SCHIP1: variants seen among roughly 807,000 people sequenced by gnomAD.
SCHIP1 encodes schwannomin interacting protein 1, also known as schwannomin-interacting protein 1.
SCHIP1 carries 8 observed loss-of-function variants against 29.7 expected under a neutral mutation model. That is an observed-to-expected ratio of 0.27 (90% CI 0.16 to 0.49). The LOEUF is 0.49. Ranked by LOEUF, SCHIP1 falls within the 20% of genes least tolerant of loss-of-function variation. SCHIP1 has a pLI of 0.99. For synonymous variants in SCHIP1, 76 were observed against 94.9 expected, an observed-to-expected ratio of 0.80 and a Z score of 1.16; for missense variants, 193 against 294.6, an observed-to-expected ratio of 0.66 and a Z score of 2.52.
chr3:159,581,973 C>A, the SCHIP1 span, among the ~76,000 whole-genome samples: 2 of 152,158 alleles, frequency 1.3e-5, no homozygotes, highest in Non-Finnish European at 1.5e-5. Context: ...GAAATCTTCA[C>A]AATTGGAGAA....
chr3:159,786,702 C>T, the SCHIP1 span, among the ~76,000 whole-genome samples: 251 of 125,112 alleles, frequency 2.0e-3, no homozygotes, highest in African/African-American at 6.4e-3. Context: ...TGTGTCTGCG[C>T]GTGTGCACTG....
At chr3:159,887,629 G>A (rs1717094130) in intron 3 of SCHIP1, 79 bp from the exon 5 acceptor site, 10 of 1,533,318 alleles carry the variant, frequency 6.5e-6, no homozygotes, top group Non-Finnish European at 9.0e-6. Flanking sequence ...AGAAGGCTCA[G>A]AGGATGTTGT....
chr3:159,504,044 CTGT>C, the SCHIP1 span, among the ~76,000 whole-genome samples: 1 of 152,272 alleles, frequency 6.6e-6, no homozygotes, highest in African/African-American at 2.4e-5. Flanking sequence ...TGGCCAGAGG[CTGT>C]TAAGTATAAA....
chr3:159,363,641 A>G, the SCHIP1 span, among the ~76,000 whole-genome samples: 480 of 152,322 alleles, frequency 3.2e-3, 1 homozygote, highest in Non-Finnish European at 4.8e-3. Flanking sequence ...CCACCAACCC[A>G]ATCACTCTCC....
chr3:159,554,909 T>C, the SCHIP1 span, among the ~76,000 whole-genome samples: 1 of 152,010 alleles, frequency 6.6e-6, no homozygotes, highest in South Asian at 2.1e-4. Context: ...CCAGTTTGTT[T>C]ATTAAGCCAC....
chr3:159,346,898 T>C, the SCHIP1 span, among the ~76,000 whole-genome samples: 2 of 152,216 alleles, frequency 1.3e-5, no homozygotes, highest in African/African-American at 4.8e-5. Context: ...GGTTTGCAAA[T>C]GCAAGATGAC....
chr3:159,555,783 CAT>C, the SCHIP1 span, among the ~76,000 whole-genome samples: 2 of 152,182 alleles, frequency 1.3e-5, no homozygotes, highest in Admixed American at 6.5e-5. Flanking sequence ...ATCTTGGACA[CAT>C]GTTTCTATCT....
chr3:159,680,231 C>T, the SCHIP1 span, among the ~76,000 whole-genome samples: 26,031 of 151,634 alleles, frequency 0.17, 2,536 homozygotes, highest in Middle Eastern at 0.25. Flanking sequence ...ATATGCAGGG[C>T]CAGGCGCGGT....
intron 4 of SCHIP1, chr3:159,888,166 C>T (rs1000426226): frequency 1.6e-5 from 8 of 497,494 alleles, no homozygotes; most frequent in African/African-American, 3.8e-5. Flanking sequence ...TTAGCTGCCA[C>T]GGGAATATTT....
chr3:159,281,243 A>C, the SCHIP1 span, among the ~76,000 whole-genome samples: 1 of 152,226 alleles, frequency 6.6e-6, no homozygotes, highest in Non-Finnish European at 1.5e-5. Context: ...TTTTGGAAGG[A>C]AGAGAAAGGC....
At chr3:159,367,368 G>T in the SCHIP1 span, among the ~76,000 whole-genome samples, 4 of 150,478 alleles carry the variant, frequency 2.7e-5, no homozygotes, top group African/African-American at 9.8e-5. Context: ...TGCACTCTCA[G>T]CCTGGGCAAC....
chr3:159,522,205 T>C, the SCHIP1 span, among the ~76,000 whole-genome samples: 1 of 152,198 alleles, frequency 6.6e-6, no homozygotes, highest in Non-Finnish European at 1.5e-5. Context: ...AGAATAAAGA[T>C]GGCAAAGCCC....
the SCHIP1 span, chr3:159,764,490 C>T: frequency 1.9e-6 from 3 of 1,588,004 alleles, no homozygotes; most frequent in Non-Finnish European, 2.6e-6. This position sits in a 1 kb window ranked among gnomAD's most constrained non-coding sequence, Gnocchi z 6.1. Flanking sequence ...CCGGCAGCAG[C>T]AGCAGCAGCA....
the SCHIP1 span, among the ~76,000 whole-genome samples, chr3:159,297,908 A>T: frequency 5.3e-5 from 8 of 152,080 alleles, no homozygotes; most frequent in African/African-American, 1.9e-4. Context: ...CCCACCCACC[A>T]AGCTTTCTGG....
chr3:159,494,720 T>C, the SCHIP1 span, among the ~76,000 whole-genome samples: 2 of 152,036 alleles, frequency 1.3e-5, no homozygotes, highest in African/African-American at 2.4e-5. Flanking sequence ...TTCCAATCAA[T>C]AGAAAAAGAG....
the SCHIP1 span, among the ~76,000 whole-genome samples, chr3:159,484,138 A>G: frequency 6.6e-6 from 1 of 152,186 alleles, no homozygotes; most frequent in South Asian, 2.1e-4. Context: ...TGATCATAGG[A>G]GTTTATACTG....
At chr3:159,623,309 A>G in the SCHIP1 span, among the ~76,000 whole-genome samples, 1 of 152,234 alleles carries the variant, frequency 6.6e-6, no homozygotes, top group African/African-American at 2.4e-5. Flanking sequence ...CTTGAGAAGT[A>G]TATACCTCTT....
chr3:159,766,532 T>C, the SCHIP1 span, among the ~76,000 whole-genome samples: 1 of 152,186 alleles, frequency 6.6e-6, no homozygotes, highest in Non-Finnish European at 1.5e-5. Context: ...GAAAAATACC[T>C]CATTAATACC....
At chr3:159,848,944 G>A (rs544307496) in intron 1 of SCHIP1, among the ~76,000 whole-genome samples, 1 of 152,186 alleles carries the variant, frequency 6.6e-6, no homozygotes, top group Admixed American at 6.5e-5. Flanking sequence ...TTTAGGGAGG[G>A]TGCACAGTGA....
Sources: allele counts gnomAD v4.1 joint callset (sites outside exome capture counted in the v4.1 genomes callset), GRCh38; gene constraint gnomAD v4.1.1; non-coding constraint Gnocchi (gnomAD v3.1); transcripts MANE v1.5; gene names NCBI Gene and HGNC (gene_info 2026-07-23, HGNC 2026-07-21).